Variants in GLIS3 observed in about 807,000 individuals in gnomAD.
The protein encoded by GLIS3 is zinc finger protein GLIS3.
Under a neutral mutation model 78.6 loss-of-function variants are expected in GLIS3, and 53 were observed. The ratio of observed to expected loss-of-function variants is 0.67; its 90% CI spans 0.54 to 0.85. GLIS3 has a LOEUF of 0.85. Ranked by LOEUF, GLIS3 falls within the 40% of genes least tolerant of loss-of-function variation. The pLI, the probability that GLIS3 is intolerant of heterozygous loss-of-function variation, is 0.00. For missense variants in GLIS3, 1,703 were observed against 1,231.1 expected (o/e 1.38, Z -5.74); for synonymous variants, 684 against 509.9 (o/e 1.34, Z -4.60).
At chr9:4,408,170 T>G in the GLIS3 span, among the ~76,000 whole-genome samples, 2 of 152,076 alleles carry the variant, frequency 1.3e-5, no homozygotes, top group Non-Finnish European at 2.9e-5. Context: ...TCAGTGGGAA[T>G]GTAAATTAGT....
chr9:4,257,906 T>A (rs912734128), intron 2 of GLIS3, among the ~76,000 whole-genome samples: 1 of 152,200 alleles, frequency 6.6e-6, no homozygotes, highest in Non-Finnish European at 1.5e-5. Flanking sequence ...TATTAAAATA[T>A]CGTGTTTTAC....
At chr9:4,334,881 C>G (rs1216677337) in intron 2 of GLIS3, among the ~76,000 whole-genome samples, 1 of 149,350 alleles carries the variant, frequency 6.7e-6, no homozygotes, top group Non-Finnish European at 1.5e-5. Flanking sequence ...AAGAGCAGCT[C>G]TCAGAAGAGA....
intron 4 of GLIS3, among the ~76,000 whole-genome samples, chr9:4,048,185 A>G (rs1419117147): frequency 2.0e-5 from 3 of 152,162 alleles, no homozygotes; most frequent in Admixed American, 1.3e-4. Flanking sequence ...CTTTTAGAAA[A>G]TTTTATTATG....
chr9:4,183,654 T>C (rs1817524655), intron 2 of GLIS3, among the ~76,000 whole-genome samples: 1 of 152,332 alleles, frequency 6.6e-6, no homozygotes, highest in East Asian at 1.9e-4. Flanking sequence ...TGAAGGTCTC[T>C]TTCAGCTTCA....
At chr9:4,473,442 T>A in the GLIS3 span, among the ~76,000 whole-genome samples, 6 of 67,034 alleles carry the variant, frequency 9.0e-5, no homozygotes, top group African/African-American at 2.2e-4. Flanking sequence ...CGAGACTCCA[T>A]CTCAACAACA....
chr9:4,257,015 A>C (rs1190388590), intron 2 of GLIS3, among the ~76,000 whole-genome samples: 1 of 152,210 alleles, frequency 6.6e-6, no homozygotes, highest in Non-Finnish European at 1.5e-5. Flanking sequence ...TATATAGTAC[A>C]TATATGTGTT....
At chr9:4,097,745 T>G (rs1830072948) in intron 4 of GLIS3, among the ~76,000 whole-genome samples, 2 of 152,332 alleles carry the variant, frequency 1.3e-5, no homozygotes, top group African/African-American at 4.8e-5. Context: ...GGTTAAATCC[T>G]GACTCTGATA....
At chr9:4,484,624 C>T in the GLIS3 span, among the ~76,000 whole-genome samples, 1 of 151,960 alleles carries the variant, frequency 6.6e-6, no homozygotes, top group Admixed American at 6.6e-5. Flanking sequence ...ACCATGTTGG[C>T]CAGGCTAGGC....
chr9:4,262,111 T>C (rs1176820018), intron 2 of GLIS3, among the ~76,000 whole-genome samples: 3 of 152,104 alleles, frequency 2.0e-5, no homozygotes. Flanking sequence ...ACCATGTGTC[T>C]GAACTATGTG....
intron 2 of GLIS3, among the ~76,000 whole-genome samples, chr9:4,196,410 A>G (rs1003260186): frequency 1.3e-5 from 2 of 152,186 alleles, no homozygotes; most frequent in South Asian, 4.1e-4. Context: ...CCCTTTCCGC[A>G]CTGTGGAAGC....
chr9:4,132,178 G>A (rs1398279611), intron 2 of GLIS3, among the ~76,000 whole-genome samples: 4 of 151,960 alleles, frequency 2.6e-5, no homozygotes, highest in Non-Finnish European at 5.9e-5. Flanking sequence ...TTGAAACACT[G>A]CTTATTTTTA....
At chr9:3,900,055 GAAGT>G (rs1823171917) in intron 6 of GLIS3, among the ~76,000 whole-genome samples, 1 of 152,204 alleles carries the variant, frequency 6.6e-6, no homozygotes, top group Non-Finnish European at 1.5e-5. Context: ...GTTGTGCGGA[GAAGT>G]AAGAGTCAAG....
chr9:4,302,377 C>G (rs922815508), upstream of GLIS3, among the ~76,000 whole-genome samples: 1 of 152,164 alleles, frequency 6.6e-6, no homozygotes, highest in East Asian at 1.9e-4. Context: ...GCCCCTGCTG[C>G]CAGCTCCAGT....
At chr9:3,837,053 A>G (rs564642673) in intron 9 of GLIS3, among the ~76,000 whole-genome samples, 83 of 152,300 alleles carry the variant, frequency 5.4e-4, no homozygotes, top group African/African-American at 2.0e-3. Flanking sequence ...GAATATTCCC[A>G]CAGAATAAGG....
At chr9:3,990,738 A>G (rs1438661648) in intron 4 of GLIS3, among the ~76,000 whole-genome samples, 1 of 152,226 alleles carries the variant, frequency 6.6e-6, no homozygotes, top group Non-Finnish European at 1.5e-5. Flanking sequence ...GTGCAGTCAT[A>G]ACATTGGAAT....
In GLIS3 at chr9:3,826,709, CTG is replaced by C. The variant is rs561183159; in HGVS notation, c.*1561_*1562del. The C allele has an allele frequency of 6.5e-4, 99 of 152,322 alleles. 1 individual carries two copies. Among genetic ancestry groups the C allele is most frequent in the African/African-American group, 2.3e-3 (97 of 41,584 alleles). The allele number at this position is 152,322 out of a possible 1,614,324, so 9.4% of individuals were successfully genotyped here. On this transcript the variant is annotated 3_prime_UTR_variant, in exon 11 of 11. Transcript: ENST00000381971. ...CTGGAAGGACCTGTCAGTATACAAA[CTG>C]TCACAGAATCCCATCTAACATCAAG...
chr9:4,044,384 T>A (rs1046721522), intron 4 of GLIS3, among the ~76,000 whole-genome samples: 1 of 152,222 alleles, frequency 6.6e-6, no homozygotes, highest in Non-Finnish European at 1.5e-5. Context: ...AACATTTGTT[T>A]TCCTGATTGT....
rs191749318 is a variant in GLIS3, at chr9:3,977,962, G to A, written c.1711-40773C>T. ...ATTTCATGACAGCGAAAGGCCAGTT[G>A]ACACCGCTGGGTGCACCCTCCGCTG... On this transcript the variant is annotated intron_variant, in intron 4 of 10. Transcript: ENST00000381971. The surrounding 1 kb of genome is among the most constrained non-coding windows in gnomAD (Gnocchi z 4.1). Among the ~76,000 whole-genome samples the A allele has an allele frequency of 2.0e-5, 3 of 152,310 alleles. No individual in the cohort carries two copies. Among genetic ancestry groups the A allele is most frequent in the Admixed American group, 2.0e-4 (3 of 15,300 alleles).
intron 4 of GLIS3, among the ~76,000 whole-genome samples, chr9:3,984,743 C>T (rs1207513024): frequency 6.6e-6 from 1 of 152,132 alleles, no homozygotes; most frequent in Non-Finnish European, 1.5e-5. Flanking sequence ...TGTCCCCATC[C>T]AAATCTCATC....
Sources: gnomAD v4.1 joint callset for allele counts (sites outside exome capture counted in the v4.1 genomes callset) on GRCh38, gnomAD v4.1.1 for gene constraint, Gnocchi (gnomAD v3.1) non-coding constraint, MANE v1.5 for transcripts, NCBI Gene and HGNC (gene_info 2026-07-23, HGNC 2026-07-21) for gene names.